The following IZUMO4 variants were observed in gnomAD, a reference collection of about 807,000 sequenced individuals.
IZUMO4 encodes the protein izumo sperm-egg fusion protein 4.
Under a neutral mutation model 37.1 loss-of-function variants are expected in IZUMO4, and 51 were observed. That is an observed-to-expected ratio of 1.38 (90% CI 1.10 to 1.74). The LOEUF is 1.74. Among genes scored for constraint, IZUMO4 ranks in the 40% most tolerant of loss-of-function variants. The pLI, the probability that IZUMO4 is intolerant of heterozygous loss-of-function variation, is 0.00. For synonymous variants in IZUMO4, 162 were observed against 121.4 expected (o/e 1.33, Z -2.20); for missense variants, 364 against 299.6 (o/e 1.21, Z -1.59).
intron 5 of IZUMO4, 30 bp downstream of exon 5, chr19:2,098,157 C>T (rs781434502): frequency 2.5e-6 from 4 of 1,612,350 alleles, no homozygotes; most frequent in East Asian, 2.2e-5. Flanking sequence ...CCCACCCGTG[C>T]CAGGGCCCTA....
chr19:2,099,112 T>TGCCGC, intron 9 of IZUMO4, 83 bp downstream of exon 9: 1 of 1,423,658 alleles, frequency 7.0e-7, no homozygotes, highest in South Asian at 1.1e-5. Context: ...CACACCCTGC[T>TGCCGC]GACATCCCAG....
chr19:2,099,138 G>A (rs931754710), intron 9 of IZUMO4, 109 bp downstream of exon 9: 7 of 1,390,196 alleles, frequency 5.0e-6, no homozygotes, highest in Non-Finnish European at 7.2e-6. Context: ...AGGGTGTCGT[G>A]GATGTGGCCA....
In IZUMO4 at chr19:2,097,625, C is replaced by T. The variant is rs2017745628; in HGVS notation, c.370+130C>T. 8.1e-6 allele frequency: 7 copies of T among 869,528 alleles called. No homozygotes were observed. The East Asian group carries it at 1.5e-4, about 18-fold the overall frequency. 53.9% of individuals were successfully genotyped at this position (869,528 alleles called of 1,614,324 possible). On this transcript the variant is annotated intron_variant, in intron 3 of 9. Coordinates refer to ENST00000395301, the MANE Select transcript of IZUMO4 (RefSeq NM_001039846.2). ...GCAGCTGGGGAGGAGGGCAGCTCTC[C>T]AGGGAGGGACCCAGCCTAGCACCTG...
At chr19:2,098,842 T>C (rs746085538) in intron 8 of IZUMO4, 38 bp downstream of exon 8, 2 of 1,459,394 alleles carry the variant, frequency 1.4e-6, no homozygotes, top group Admixed American at 1.9e-5. Flanking sequence ...GGGGAGGGGG[T>C]AAAGGGAGAG....
rs2017818576 is a variant in IZUMO4 at position 2,099,004 on chromosome 19, G to A, written c.583G>A (p.Gly195Arg). ...RPRSSAFSWP[G>R]THRATPAFLV... Reference sequence around the variant, plus strand: ...ACGCTCCTCTGCCTTCTCCTGGCCTGGGACACACAGAGCCACCCCGGCCTT... The same window carrying A: ...ACGCTCCTCTGCCTTCTCCTGGCCTAGGACACACAGAGCCACCCCGGCCTT... The change falls in exon 9 of 10, where the codon GGG becomes AGG. Residue 195 changes from glycine to arginine, a missense_variant. Coordinates refer to ENST00000395301, the MANE Select transcript of IZUMO4 (RefSeq NM_001039846.2). 1.9e-6 allele frequency: 3 copies of A among 1,612,998 alleles called. No homozygotes were observed. The highest frequency in any genetic ancestry group is 2.5e-6 in the Non-Finnish European group (3 of 1,179,968).
chr19:2,099,452 G>A lies in IZUMO4; in HGVS notation c.*107G>A, dbSNP rs534669235. 3.3e-4 allele frequency: 160 copies of A among 491,608 alleles called. No individual in the cohort carries two copies. The highest frequency in any genetic ancestry group is 1.4e-3 in the East Asian group (19 of 14,030). 30.5% of individuals were successfully genotyped at this position (491,608 alleles called of 1,614,324 possible). A position where few individuals can be genotyped will look rare whatever the true frequency, so the allele number is the denominator to read the frequency against. On this transcript the variant is annotated 3_prime_UTR_variant, in exon 10 of 10. Coordinates refer to ENST00000395301, the MANE Select transcript of IZUMO4 (RefSeq NM_001039846.2). ...GCTGCTGCCTCAGGACCCCCTCTCC[G>A]ACCCCGGACAGAGCTGAGCTGGCCA...
In IZUMO4 at chr19:2,098,036, C is replaced by G. The variant is rs755798555; in HGVS notation, c.398-16C>G. On this transcript the variant is annotated splice_polypyrimidine_tract_variant and intron_variant, in intron 4 of 9. Transcript: ENST00000395301. ...GAGGCTGAGGGGAGCCCTGGCGGCTCTTGTACGTGTTTCAGGCATCTTCCA... is the reference window on the plus strand; with the variant it reads ...GAGGCTGAGGGGAGCCCTGGCGGCTGTTGTACGTGTTTCAGGCATCTTCCA... 4.3e-6 allele frequency: 7 copies of G among 1,613,290 alleles called. No homozygotes were observed. The highest frequency in any genetic ancestry group is 5.1e-6 in the Non-Finnish European group (6 of 1,179,988).
Position 2,099,298 on chromosome 19 carries a change from GCC to G in IZUMO4, c.653_654del (p.Ala218GlufsTer9), listed in dbSNP as rs759571140. ...ALRCLEPPHL[A>X]NLTLEDAAEC... is the part of the protein sequence containing the mutation. ...AAGGTGTCTGGAGCCCCCACACTTGGCCAACCTGACCTTGGAAGATGCTGCTG... is the reference window on the plus strand; with the variant it reads ...AAGGTGTCTGGAGCCCCCACACTTGGAACCTGACCTTGGAAGATGCTGCTG... On this transcript the variant is annotated frameshift_variant, in exon 10 of 10. Transcript: ENST00000395301. LOFTEE classifies it high-confidence loss of function. 36 of 1,613,556 alleles carry G rather than the reference GCC, an allele frequency of 2.2e-5. No homozygotes were observed. Among genetic ancestry groups the G allele is most frequent in the Admixed American group, 2.0e-4 (12 of 60,024 alleles).
chr19:2,098,742 AG>A, intron 7 of IZUMO4, 44 bp from the exon 8 acceptor site: 2 of 1,604,408 alleles, frequency 1.2e-6, no homozygotes, highest in Non-Finnish European at 1.7e-6. Flanking sequence ...TACGATGGTT[AG>A]GGGTGCCCCA....
chr19:2,099,094 G>T, intron 9 of IZUMO4, 65 bp downstream of exon 9: 1 of 1,500,382 alleles, frequency 6.7e-7, no homozygotes, highest in Admixed American at 1.7e-5. Flanking sequence ...CCAGCGTGCC[G>T]CGGCCTGCAC....
At position 2,097,509 on chromosome 19, in the gene IZUMO4, G is replaced by C. The variant is rs774264727; in HGVS notation, c.370+14G>C. On this transcript the variant is annotated intron_variant, in intron 3 of 9. Transcript: ENST00000395301. ...CCATCATCGAAAGTGAGCAAATAAG[G>C]CTTCAGAGGAGGGAGGTGTTGCCCA... 5.0e-6 allele frequency: 8 copies of C among 1,609,154 alleles called. No individual in the cohort carries two copies. The highest frequency in any genetic ancestry group is 4.4e-5 in the South Asian group (4 of 90,984).
Position 2,097,929 on chromosome 19 carries a change from G to A in IZUMO4, c.371G>A (p.Ser124Asn), listed in dbSNP as rs201570608. Reference protein sequence around the residue: ...VHLIQNAIIESRIDCQHRCGI... With the variant: ...VHLIQNAIIENRIDCQHRCGI... ...ATGGCGCTGTCCTGCCCTCCCACAG[G>A]CCGCATCGACTGTCAGCACCGCTGT... is the stretch of plus-strand genomic sequence containing the variant. Residue 124 changes from serine to asparagine, a missense_variant and splice_region_variant, in exon 4 of 10, where the codon AGC (serine) becomes AAC (asparagine). Physicochemically the swap from Ser to Asn is conservative, Grantham distance 46. Transcript: ENST00000395301. The A allele has an allele frequency of 2.8e-4, 454 of 1,613,050 alleles. 4 individuals are homozygous for A. The East Asian group carries it at 9.9e-3, about 35-fold the overall frequency.
Position 2,097,326 on chromosome 19 carries a change from T to G in IZUMO4, c.292T>G (p.Phe98Val). 1 of 1,612,618 alleles carries G rather than the reference T, an allele frequency of 6.2e-7. No homozygotes were observed. Among genetic ancestry groups the G allele is most frequent in the Non-Finnish European group, 8.5e-7 (1 of 1,179,794 alleles). ...MDQLYQGKMY[F>V]PGYFPNELRN... ...TCAGCTGTACCAGGGGAAGATGTAC[T>G]TCCCCGGTAAGGGGCGCGAAACCGA... The change falls in exon 2 of 10, where the codon TTC becomes GTC. Residue 98 changes from phenylalanine (F) to valine (V), a missense_variant. By Grantham distance (50) the Phe-to-Val change is conservative. Coordinates refer to ENST00000395301, the MANE Select transcript of IZUMO4 (RefSeq NM_001039846.2).
chr19:2,098,796 G>C lies in IZUMO4; in HGVS notation c.546G>C (p.Thr182=), dbSNP rs777689342. The part of the protein sequence containing the change: ...NYINNWHKQD[T]SMRPRSSAFS... ...CCACATTGCCTTTCAGACAGGACAC[G>C]AGCATGAGGTAAGGCCGCCCTGACC... The change falls in exon 8 of 10, where the codon ACG becomes ACC. Residue 182 remains threonine (T), a synonymous_variant. Transcript: ENST00000395301. 13 of 1,601,456 alleles carry C rather than the reference G, an allele frequency of 8.1e-6. No individual in the cohort carries two copies. In the East Asian group the frequency reaches 2.7e-4, roughly 33 times the overall value.
In IZUMO4 at chr19:2,098,149, C is replaced by T. The variant is rs765274246; in HGVS notation, c.473+22C>T. 9.9e-5 allele frequency: 160 copies of T among 1,612,628 alleles called. No homozygotes were observed. In the South Asian group the frequency reaches 1.0e-3, roughly 10 times the overall value. On this transcript the variant is annotated intron_variant, in intron 5 of 9. Coordinates refer to ENST00000395301, the MANE Select transcript of IZUMO4 (RefSeq NM_001039846.2). The stretch of plus-strand genomic sequence containing the variant: ...GCGAGTAGGGCTCAGGCATCACACC[C>T]ACCCGTGCCAGGGCCCTACTGTCCC...
At position 2,098,213 on chromosome 19, in the gene IZUMO4, T is replaced by G. The variant is rs559812467; in HGVS notation, c.474-74T>G. The G allele has an allele frequency of 5.7e-5, 92 of 1,611,434 alleles. No homozygotes were observed. In the Middle Eastern group the frequency reaches 8.3e-4, roughly 14 times the overall value. On this transcript the variant is annotated intron_variant, in intron 5 of 9. Coordinates refer to ENST00000395301, the MANE Select transcript of IZUMO4 (RefSeq NM_001039846.2). ...TCTCCTTGGAGGGGGCTCCCCGCCTTCCACCTGGCTGTCATCGGGTAGGGC... is the reference window on the plus strand; with the variant it reads ...TCTCCTTGGAGGGGGCTCCCCGCCTGCCACCTGGCTGTCATCGGGTAGGGC...
At position 2,098,907 on chromosome 19, in the gene IZUMO4, T is replaced by TC. The variant is rs993791251; in HGVS notation, c.555-66dup. 9.8e-5 allele frequency: 156 copies of TC among 1,587,154 alleles called. No homozygotes were observed. In the Middle Eastern group the frequency reaches 9.9e-4, roughly 10 times the overall value. On this transcript the variant is annotated intron_variant, in intron 8 of 9. Coordinates refer to ENST00000395301, the MANE Select transcript of IZUMO4 (RefSeq NM_001039846.2). ...AGTGGGGGCACTGCAGGTGGGGCTC[T>TC]CCCTATACCTGGGACACCTGCTGGA...
rs771052004 is a variant in IZUMO4, at chr19:2,097,235, TCTC to T, written c.218-11_218-9del. On this transcript the variant is annotated splice_polypyrimidine_tract_variant and intron_variant, in intron 1 of 9. Transcript: ENST00000395301. ...CCCGGGGCAGGCCGGTCACCTGGCT[TCTC>T]CTCCTGCCCGCAGCCCGGGAGAAGC... 103 of 1,610,542 alleles carry T rather than the reference TCTC, an allele frequency of 6.4e-5. No homozygotes were observed. The highest frequency in any genetic ancestry group is 8.1e-5 in the Non-Finnish European group (96 of 1,178,632).
At chr19:2,099,052 G>T (rs112632238) in intron 9 of IZUMO4, 23 bp downstream of exon 9, 36 of 1,609,862 alleles carry the variant, frequency 2.2e-5, no homozygotes, top group Non-Finnish European at 2.9e-5. Context: ...GAGAAGGGAG[G>T]CCTCGGGAGA....
Sources: gnomAD v4.1 joint callset for allele counts on GRCh38, gnomAD v4.1.1 for gene constraint, MANE v1.5 for transcripts, NCBI Gene and HGNC (gene_info 2026-07-23, HGNC 2026-07-21) for gene names.